Variants in ANXA10 observed in about 807,000 individuals in gnomAD.
ANXA10 encodes annexin 14.
ANXA10 carries 49 observed loss-of-function variants against 53.5 expected under a neutral mutation model. The observed-to-expected ratio is 0.92, with a 90% CI of 0.73 to 1.16. The LOEUF (loss-of-function observed/expected upper bound fraction) is 1.16. Among genes scored for constraint, ANXA10 ranks in the 50% most tolerant of loss-of-function variants. The pLI is 0.00. For missense variants in ANXA10, 393 were observed against 394.4 expected (o/e 1.00, Z 0.03); for synonymous variants, 131 against 128.9 (o/e 1.02, Z -0.11).
intron 3 of ANXA10, among the ~76,000 whole-genome samples, chr4:168,156,206 T>TTATATTA (rs1731667563): frequency 1.2e-4 from 2 of 16,878 alleles, no homozygotes; most frequent in Admixed American, 1.2e-3. Flanking sequence ...ATAATATATA[T>TTATATTA]TATATTATAT....
intron 10 of ANXA10, among the ~76,000 whole-genome samples, chr4:168,182,667 A>G (rs1324597777): frequency 1.3e-5 from 2 of 150,532 alleles, no homozygotes; most frequent in African/African-American, 4.9e-5. Context: ...CAAACACTTA[A>G]GTGCATCATC....
At chr4:168,093,951 G>T (rs1730502590) in intron 1 of ANXA10, among the ~76,000 whole-genome samples, 1 of 152,034 alleles carries the variant, frequency 6.6e-6, no homozygotes. Context: ...TTTATTAATT[G>T]TAAGGTGGTT....
intron 3 of ANXA10, among the ~76,000 whole-genome samples, chr4:168,139,940 A>G (rs949532739): frequency 6.6e-6 from 1 of 152,214 alleles, no homozygotes; most frequent in Admixed American, 6.5e-5. Flanking sequence ...GGGAAGGCAC[A>G]TAAAAAATTA....
intron 1 of ANXA10, among the ~76,000 whole-genome samples, chr4:168,121,701 G>A (rs7663533): frequency 0.61 from 92,706 of 151,980 alleles, 29,073 homozygotes; most frequent in African/African-American, 0.75. Context: ...GTGTTTTCAT[G>A]TGTTATAGTA....
intron 2 of ANXA10, among the ~76,000 whole-genome samples, chr4:168,135,984 G>A (rs554506738): frequency 7.6e-4 from 115 of 152,228 alleles, no homozygotes; most frequent in Admixed American, 1.6e-3. Flanking sequence ...TACAATCATG[G>A]CAGAAGGCAA....
chr4:168,111,305 TG>T (rs1730802699), intron 1 of ANXA10, among the ~76,000 whole-genome samples: 1 of 152,222 alleles, frequency 6.6e-6, no homozygotes, highest in Non-Finnish European at 1.5e-5. Context: ...ATTTGCTTTA[TG>T]TTTAACCCTT....
chr4:168,097,533 G>A (rs1440208543), intron 1 of ANXA10, among the ~76,000 whole-genome samples: 1 of 151,960 alleles, frequency 6.6e-6, no homozygotes, highest in Admixed American at 6.6e-5. Context: ...CCAGATTCCT[G>A]TAACCAAGTG....
At chr4:168,160,850 G>A (rs186158512) in intron 3 of ANXA10, among the ~76,000 whole-genome samples, 4 of 152,052 alleles carry the variant, frequency 2.6e-5, no homozygotes, top group Admixed American at 6.6e-5. Flanking sequence ...TTGGCTGCAC[G>A]TCTGTCTTCT....
chr4:168,175,154 T>C (rs1183146554), intron 6 of ANXA10, among the ~76,000 whole-genome samples: 2 of 151,922 alleles, frequency 1.3e-5, no homozygotes, highest in Non-Finnish European at 1.5e-5. Context: ...GAGTAACCAA[T>C]AAAATGAAAT....
At chr4:168,142,907 C>A (rs920008883) in intron 3 of ANXA10, among the ~76,000 whole-genome samples, 2 of 152,108 alleles carry the variant, frequency 1.3e-5, no homozygotes, top group African/African-American at 4.8e-5. Flanking sequence ...GCCAATAACA[C>A]TGTAATCTCC....
chr4:168,141,371 C>T (rs1243714038), intron 3 of ANXA10, among the ~76,000 whole-genome samples: 1 of 152,188 alleles, frequency 6.6e-6, no homozygotes, highest in Non-Finnish European at 1.5e-5. Flanking sequence ...TTTAGATCTT[C>T]ATCATTTTGT....
intron 1 of ANXA10, among the ~76,000 whole-genome samples, chr4:168,096,926 A>ATATATGTATATATATATATATATATG (rs371811709): frequency 0.017 from 2,204 of 129,742 alleles, 45 homozygotes; most frequent in East Asian, 0.079. Flanking sequence ...ATATATATAT[A>ATATATGTATATATATATATATATATG]TATGTATGTA....
chr4:168,155,247 G>A (rs978152099), intron 3 of ANXA10, among the ~76,000 whole-genome samples: 4 of 144,100 alleles, frequency 2.8e-5, no homozygotes, highest in African/African-American at 5.2e-5. Context: ...TTATACATTC[G>A]TACAATTCTG....
intron 3 of ANXA10, among the ~76,000 whole-genome samples, chr4:168,157,602 G>C (rs1248752243): frequency 6.6e-6 from 1 of 152,140 alleles, no homozygotes; most frequent in East Asian, 1.9e-4. Context: ...CTTTGTGTCT[G>C]CTCCTTTGCA....
chr4:168,171,326 T>C (rs1305326001), intron 6 of ANXA10, among the ~76,000 whole-genome samples: 3 of 152,184 alleles, frequency 2.0e-5, no homozygotes, highest in South Asian at 2.1e-4. Context: ...TTTATGAGAT[T>C]CAGGTTTTTA....
chr4:168,143,925 A>T (rs1236183535), intron 3 of ANXA10, among the ~76,000 whole-genome samples: 1 of 152,166 alleles, frequency 6.6e-6, no homozygotes. Context: ...GCAGACATCT[A>T]TACTGCCAAA....
intron 3 of ANXA10, among the ~76,000 whole-genome samples, chr4:168,155,482 T>TATTATAAAATATATA (rs1560783289): frequency 5.3e-4 from 8 of 15,170 alleles, no homozygotes; most frequent in African/African-American, 3.2e-3. Flanking sequence ...ATAAATTATA[T>TATTATAAAATATATA]ATTATATAAT....
intron 11 of ANXA10, among the ~76,000 whole-genome samples, chr4:168,185,556 T>C (rs1732354699): frequency 6.6e-6 from 1 of 152,236 alleles, no homozygotes; most frequent in Admixed American, 6.5e-5. Context: ...TCTGATACTT[T>C]TAAACTTCAT....
At chr4:168,121,946 C>T (rs1298266173) in intron 1 of ANXA10, among the ~76,000 whole-genome samples, 1 of 152,144 alleles carries the variant, frequency 6.6e-6, no homozygotes, top group East Asian at 1.9e-4. Flanking sequence ...TGGGTTCAAG[C>T]AATTCTCTGT....
Sources: gnomAD v4.1 joint callset for allele counts (sites outside exome capture counted in the v4.1 genomes callset) on GRCh38, gnomAD v4.1.1 for gene constraint, MANE v1.5 for transcripts, NCBI Gene and HGNC (gene_info 2026-07-23, HGNC 2026-07-21) for gene names.